FRMD4B: variants seen among roughly 807,000 people sequenced by gnomAD.
FRMD4B encodes FERM domain-containing protein 4B.
A neutral mutation model predicts 141.5 loss-of-function variants in FRMD4B; 74 were observed. That is an observed-to-expected ratio of 0.52 (90% CI 0.43 to 0.63). The LOEUF (loss-of-function observed/expected upper bound fraction) is 0.63. Ranked by LOEUF, FRMD4B falls within the 30% of genes least tolerant of loss-of-function variation. FRMD4B has a pLI of 0.00. For missense variants in FRMD4B, 1,366 were observed against 1,253.4 expected, an observed-to-expected ratio of 1.09 and a Z score of -1.36; for synonymous variants, 506 against 467.9, an observed-to-expected ratio of 1.08 and a Z score of -1.05.
chr3:69,535,822 T>C (rs557825337), intron 1 of FRMD4B: 12 of 473,678 alleles, frequency 2.5e-5, no homozygotes, highest in South Asian at 1.7e-4. Flanking sequence ...GTTTGGCCCC[T>C]GGGCAGCTGC....
upstream of FRMD4B, chr3:69,386,153 G>T: frequency 1.6e-6 from 1 of 638,156 alleles, no homozygotes; most frequent in Non-Finnish European, 2.6e-6. Flanking sequence ...CCAGGCTCCG[G>T]CGGCATGCCC....
chr3:69,348,569 G>A (rs13066443), intron 1 of FRMD4B, among the ~76,000 whole-genome samples: 40,539 of 152,098 alleles, frequency 0.27, 6,177 homozygotes, highest in Non-Finnish European at 0.34. Context: ...GATGAACATC[G>A]ATGCAAAGAT....
chr3:69,273,221 C>T (rs2093603539), intron 5 of FRMD4B, among the ~76,000 whole-genome samples: 1 of 152,092 alleles, frequency 6.6e-6, no homozygotes, highest in African/African-American at 2.4e-5. Flanking sequence ...GCTCAGTGTC[C>T]CTCTCTCCTG....
At chr3:69,304,168 C>G (rs1366293701) in intron 3 of FRMD4B, among the ~76,000 whole-genome samples, 2 of 102,200 alleles carry the variant, frequency 2.0e-5, no homozygotes, top group African/African-American at 9.0e-5. Context: ...AGAGGGATAA[C>G]TTGTCTCAAA....
Position 69,180,912 on chromosome 3 carries a change from G to C in FRMD4B, c.2838C>G (p.Ser946=). The C allele has an allele frequency of 1.2e-6, 2 of 1,604,554 alleles. No individual in the cohort carries two copies. The highest frequency in any genetic ancestry group is 1.7e-6 in the Non-Finnish European group (2 of 1,172,638). ...CAGTATTCTCACCTGAAGAGTACGA[G>C]GATGCACGACTGCTTGGAGAACAAG... ...QVPCSPSSRA[S]SYSSVSSTNA... The change falls in exon 21 of 23, where the codon TCC becomes TCG. Residue 946 remains serine, a synonymous_variant. Coordinates refer to ENST00000398540, the MANE Select transcript of FRMD4B (RefSeq NM_015123.3).
chr3:69,299,862 T>C (rs1701155847), intron 4 of FRMD4B, among the ~76,000 whole-genome samples: 1 of 152,192 alleles, frequency 6.6e-6, no homozygotes, highest in Non-Finnish European at 1.5e-5. Flanking sequence ...GTGCTCCATG[T>C]TCCAGTGCAT....
intron 11 of FRMD4B, chr3:69,200,733 GAAGT>G (rs71115660): frequency 0.084 from 103,151 of 1,223,416 alleles, 4,696 homozygotes; most frequent in African/African-American, 0.097. Flanking sequence ...TACTTCCTAG[GAAGT>G]AAGTTGCTTT....
intron 5 of FRMD4B, among the ~76,000 whole-genome samples, chr3:69,284,976 A>G (rs1431499715): frequency 2.6e-5 from 4 of 152,188 alleles, no homozygotes; most frequent in Admixed American, 6.5e-5. Context: ...AGTCTGGCCA[A>G]CATGGTGAAA....
chr3:69,522,833 C>T (rs1472868842), intron 1 of FRMD4B, among the ~76,000 whole-genome samples: 1 of 152,134 alleles, frequency 6.6e-6, no homozygotes, highest in Non-Finnish European at 1.5e-5. Flanking sequence ...CAGACTTTGA[C>T]CCTGGATCAC....
At chr3:69,208,224 C>T (rs934829557) in intron 11 of FRMD4B, among the ~76,000 whole-genome samples, 91 of 152,182 alleles carry the variant, frequency 6.0e-4, no homozygotes, top group South Asian at 1.9e-3. Context: ...CCACCACACC[C>T]GGCTAATTTT....
intron 2 of FRMD4B, among the ~76,000 whole-genome samples, chr3:69,429,750 C>CTT (rs60665985): frequency 4.0e-3 from 320 of 79,068 alleles, no homozygotes; most frequent in Middle Eastern, 8.2e-3. Flanking sequence ...GAGACCTCTT[C>CTT]TTTTTTTTTT....
chr3:69,339,399 G>A (rs1357881514), intron 1 of FRMD4B, among the ~76,000 whole-genome samples: 1 of 152,154 alleles, frequency 6.6e-6, no homozygotes, highest in African/African-American at 2.4e-5. Flanking sequence ...CTTTGGGCAA[G>A]TCATTTAATC....
At chr3:69,303,879 G>A (rs1701301000) in intron 3 of FRMD4B, among the ~76,000 whole-genome samples, 1 of 152,130 alleles carries the variant, frequency 6.6e-6, no homozygotes, top group Non-Finnish European at 1.5e-5. Flanking sequence ...AGGCTGCAGT[G>A]AGCCGTGATC....
At chr3:69,315,903 A>G (rs1701791033) in intron 1 of FRMD4B, among the ~76,000 whole-genome samples, 1 of 152,204 alleles carries the variant, frequency 6.6e-6, no homozygotes, top group African/African-American at 2.4e-5. Context: ...ACCTAATTGA[A>G]AAAGAAAATA....
intron 1 of FRMD4B, among the ~76,000 whole-genome samples, chr3:69,534,999 GTATTTACTCC>G (rs1559555774): frequency 6.6e-6 from 1 of 152,032 alleles, no homozygotes; most frequent in Non-Finnish European, 1.5e-5. Flanking sequence ...ATTTTTTTTA[GTATTTACTCC>G]ACAGCAGTCA....
chr3:69,373,838 A>C (rs1173269884), intron 1 of FRMD4B, among the ~76,000 whole-genome samples: 1 of 152,190 alleles, frequency 6.6e-6, no homozygotes, highest in Non-Finnish European at 1.5e-5. Flanking sequence ...GCACCAATGC[A>C]CTCTAGCCTG....
At chr3:69,341,436 G>C (rs150043217) in intron 1 of FRMD4B, among the ~76,000 whole-genome samples, 1 of 152,296 alleles carries the variant, frequency 6.6e-6, no homozygotes, top group African/African-American at 2.4e-5. Flanking sequence ...TCTGCACCTG[G>C]TTGTTGCTAA....
intron 11 of FRMD4B, among the ~76,000 whole-genome samples, chr3:69,205,995 T>A (rs2093021166): frequency 6.6e-6 from 1 of 152,134 alleles, no homozygotes; most frequent in Non-Finnish European, 1.5e-5. Context: ...CTCATAAAAG[T>A]ACCCAAATGG....
At chr3:69,342,202 G>A (rs752274660) in intron 1 of FRMD4B, among the ~76,000 whole-genome samples, 1 of 152,186 alleles carries the variant, frequency 6.6e-6, no homozygotes, top group African/African-American at 2.4e-5. Flanking sequence ...TAAAGTGGTT[G>A]AGAAACAGGT....
Sources: gnomAD v4.1 joint callset for allele counts (sites outside exome capture counted in the v4.1 genomes callset) on GRCh38, gnomAD v4.1.1 for gene constraint, MANE v1.5 for transcripts, NCBI Gene and HGNC (gene_info 2026-07-23, HGNC 2026-07-21) for gene names.